CLASP2: variants seen among roughly 807,000 people sequenced by gnomAD.
The protein encoded by CLASP2 is CLIP-associating protein 2.
CLASP2 carries 47 observed loss-of-function variants against 194.4 expected under a neutral mutation model. The ratio of observed to expected loss-of-function variants is 0.24; its 90% CI spans 0.19 to 0.31. CLASP2 has a LOEUF of 0.31. Among genes scored for constraint, CLASP2 ranks in the 10% least tolerant of loss-of-function variants. The pLI, the probability that CLASP2 is intolerant of heterozygous loss-of-function variation, is 1.00. For synonymous variants in CLASP2, 619 were observed against 633.5 expected (o/e 0.98, Z 0.34); for missense variants, 1,445 against 1,823.6 (o/e 0.79, Z 3.78).
rs144145305 is a variant in CLASP2, at chr3:33,681,144, ATAAAG to A, written c.644+3210_644+3214del. Among the ~76,000 whole-genome samples the A allele has an allele frequency of 2.0e-3, 307 of 151,392 alleles. 5 individuals are homozygous for A. Among genetic ancestry groups the A allele is most frequent in the African/African-American group, 7.2e-3 (297 of 41,174 alleles). On this transcript the variant is annotated intron_variant, in intron 6 of 38. Coordinates refer to ENST00000682230, the MANE Select transcript of CLASP2 (RefSeq NM_001365631.1). ...CATCTCAAAAAAAAAAAAAAAAAGA[ATAAAG>A]TAATTTCAATATAAATTTAGAAAAG... is the stretch of plus-strand genomic sequence containing the variant.
intron 19 of CLASP2, among the ~76,000 whole-genome samples, chr3:33,596,283 T>C (rs2070345213): frequency 6.6e-6 from 1 of 152,144 alleles, no homozygotes; most frequent in African/African-American, 2.4e-5. Flanking sequence ...GTAACTTGCA[T>C]TTCATTTTCA....
intron 6 of CLASP2, among the ~76,000 whole-genome samples, chr3:33,682,142 A>C (rs1254303993): frequency 1.3e-5 from 2 of 152,194 alleles, no homozygotes; most frequent in East Asian, 3.9e-4. Flanking sequence ...ACCCAGCCTC[A>C]GATATTCCTT....
chr3:33,637,239 CATT>C (rs2080319790), intron 8 of CLASP2, among the ~76,000 whole-genome samples: 1 of 152,038 alleles, frequency 6.6e-6, no homozygotes, highest in Non-Finnish European at 1.5e-5. Context: ...TTACAGATAA[CATT>C]ATAGAATTCT....
intron 7 of CLASP2, among the ~76,000 whole-genome samples, chr3:33,648,944 G>C (rs904522961): frequency 6.6e-6 from 1 of 152,126 alleles, no homozygotes; most frequent in African/African-American, 2.4e-5. Flanking sequence ...ATCCTGGGTT[G>C]AACAAAGTCA....
chr3:33,695,220 A>ATTTTTTTTT lies in CLASP2; in HGVS notation c.274+1626_274+1634dup, dbSNP rs762657276. On this transcript the variant is annotated intron_variant, in intron 2 of 38. Transcript: ENST00000682230. ...CAGGCACACACCAGTAAGCCTGCTA[A>ATTTTTTTTT]TTTTTTTTTTTTTTTTTTTTGGTAG... Among the ~76,000 whole-genome samples, 675 of 103,652 alleles carry ATTTTTTTTT rather than the reference A, an allele frequency of 6.5e-3. 8 individuals carry two copies. Among genetic ancestry groups the ATTTTTTTTT allele is most frequent in the Non-Finnish European group, 8.8e-3 (467 of 53,032 alleles). The allele number at this position is 103,652 out of a possible 152,430, so 68.0% of individuals were successfully genotyped here. A position where few individuals can be genotyped will look rare whatever the true frequency, so the allele number is the denominator to read the frequency against.
chr3:33,716,973 C>G (rs1408790568), intron 1 of CLASP2, among the ~76,000 whole-genome samples: 1 of 152,166 alleles, frequency 6.6e-6, no homozygotes, highest in Non-Finnish European at 1.5e-5. Flanking sequence ...CACCAGAAGA[C>G]AAGAAAGAAA....
chr3:33,682,990 C>G (rs546050179), intron 6 of CLASP2: 1 of 152,136 alleles, frequency 6.6e-6, no homozygotes, highest in African/African-American at 2.4e-5. Flanking sequence ...ATTGTAAGAA[C>G]CCTACAATTG....
intron 29 of CLASP2, among the ~76,000 whole-genome samples, chr3:33,554,361 A>G (rs1393439772): frequency 6.6e-6 from 1 of 152,226 alleles, no homozygotes; most frequent in Non-Finnish European, 1.5e-5. Context: ...TGTGATAACG[A>G]AGATGAACCT....
At chr3:33,641,334 G>A (rs1205045672) in intron 8 of CLASP2, among the ~76,000 whole-genome samples, 3 of 152,060 alleles carry the variant, frequency 2.0e-5, no homozygotes, top group African/African-American at 7.2e-5. Flanking sequence ...TTTCTATTAT[G>A]AAGTTACAAG....
chr3:33,611,468 A>G (rs1458721972), intron 13 of CLASP2, among the ~76,000 whole-genome samples: 1 of 152,206 alleles, frequency 6.6e-6, no homozygotes, highest in Non-Finnish European at 1.5e-5. Flanking sequence ...CTTGTTATTC[A>G]GGTTTACAGG....
intron 10 of CLASP2, among the ~76,000 whole-genome samples, chr3:33,624,341 T>C (rs2077620333): frequency 6.6e-6 from 1 of 152,084 alleles, no homozygotes; most frequent in African/African-American, 2.4e-5. Context: ...ATCTTGGGCA[T>C]ATAAGGAAGG....
At chr3:33,650,757 G>A (rs2083043657) in intron 7 of CLASP2, among the ~76,000 whole-genome samples, 1 of 152,006 alleles carries the variant, frequency 6.6e-6, no homozygotes, top group Non-Finnish European at 1.5e-5. Context: ...GAGACTGGAG[G>A]AAGAAAGGAG....
chr3:33,699,564 T>G (rs753789730), intron 1 of CLASP2, among the ~76,000 whole-genome samples: 2 of 152,138 alleles, frequency 1.3e-5, no homozygotes, highest in African/African-American at 4.8e-5. Flanking sequence ...TACAGTATAG[T>G]AGTCCCCCCT....
At chr3:33,709,890 T>C (rs536993471) in intron 1 of CLASP2, among the ~76,000 whole-genome samples, 8 of 152,238 alleles carry the variant, frequency 5.3e-5, no homozygotes, top group Non-Finnish European at 1.0e-4. Context: ...ATGTGAACCC[T>C]GCACATGTGA....
chr3:33,608,477 T>A, intron 14 of CLASP2, 90 bp downstream of exon 14: 1 of 1,025,404 alleles, frequency 9.8e-7, no homozygotes, highest in African/African-American at 1.6e-5. Context: ...TGAAGCAAAA[T>A]GAGAAATAAT....
chr3:33,682,041 G>C (rs527871918), intron 6 of CLASP2, among the ~76,000 whole-genome samples: 2 of 145,338 alleles, frequency 1.4e-5, no homozygotes, highest in East Asian at 4.2e-4. Flanking sequence ...GCTGTGAGAG[G>C]CCCTCACCAG....
chr3:33,501,815 A>G lies in CLASP2; in HGVS notation c.4318-47T>C, dbSNP rs142166827. 2.6e-3 allele frequency: 3,107 copies of G among 1,182,162 alleles called. 8 individuals carry two copies. The highest frequency in any genetic ancestry group is 3.3e-3 in the Non-Finnish European group (2,639 of 789,452). 73.2% of individuals were successfully genotyped at this position (1,182,162 alleles called of 1,614,324 possible). The stretch of plus-strand genomic sequence containing the variant: ...TAGTACTCCAGAGAAGTCCACTGTT[A>G]GTACTCCCTTTTTAACAGGGTCAGA... On this transcript the variant is annotated intron_variant, in intron 37 of 38. Coordinates refer to ENST00000682230, the MANE Select transcript of CLASP2 (RefSeq NM_001365631.1).
At chr3:33,675,022 G>A (rs1361055365) in intron 6 of CLASP2, among the ~76,000 whole-genome samples, 1 of 152,122 alleles carries the variant, frequency 6.6e-6, no homozygotes, top group Non-Finnish European at 1.5e-5. Context: ...GGAGGAGCTG[G>A]TACCATTCCT....
intron 9 of CLASP2, among the ~76,000 whole-genome samples, chr3:33,631,648 G>C (rs1220530965): frequency 6.7e-6 from 1 of 149,646 alleles, no homozygotes; most frequent in Non-Finnish European, 1.5e-5. Context: ...AGGGAGCCAA[G>C]ACTGTGCCAC....
Sources: allele counts gnomAD v4.1 joint callset (sites outside exome capture counted in the v4.1 genomes callset), GRCh38; gene constraint gnomAD v4.1.1; transcripts MANE v1.5; gene names NCBI Gene and HGNC (gene_info 2026-07-23, HGNC 2026-07-21).